AGPAT5: variants seen among roughly 807,000 people sequenced by gnomAD.
AGPAT5 encodes 1-acyl-sn-glycerol-3-phosphate acyltransferase epsilon.
AGPAT5 carries 46 observed loss-of-function variants against 45.6 expected under a neutral mutation model. That is an observed-to-expected ratio of 1.01 (90% CI 0.80 to 1.29). The LOEUF (loss-of-function observed/expected upper bound fraction) is 1.29. Ranked by LOEUF, AGPAT5 falls within the 50% of genes most tolerant of loss-of-function variation. AGPAT5 has a pLI of 0.00. For missense variants in AGPAT5, 673 were observed against 450.7 expected (o/e 1.49, Z -4.47); for synonymous variants, 272 against 167.0 (o/e 1.63, Z -4.85).
chr8:6,713,421 C>G (rs1323640933), intron 1 of AGPAT5, among the ~76,000 whole-genome samples: 1 of 152,136 alleles, frequency 6.6e-6, no homozygotes, highest in Non-Finnish European at 1.5e-5. Flanking sequence ...ATGCACAGTT[C>G]TTAAGTTTAT....
intron 1 of AGPAT5, among the ~76,000 whole-genome samples, chr8:6,722,109 G>C (rs1457261805): frequency 6.6e-6 from 1 of 152,166 alleles, no homozygotes; most frequent in African/African-American, 2.4e-5. Flanking sequence ...AAGATGACTA[G>C]GAAATGTATA....
At chr8:6,737,267 T>A (rs894839345) in intron 4 of AGPAT5, among the ~76,000 whole-genome samples, 4 of 152,204 alleles carry the variant, frequency 2.6e-5, no homozygotes, top group African/African-American at 9.6e-5. Context: ...ATGTACGCCC[T>A]GTGAGAGCGG....
intron 1 of AGPAT5, among the ~76,000 whole-genome samples, chr8:6,722,899 A>G (rs1158412017): frequency 2.0e-5 from 3 of 152,346 alleles, no homozygotes; most frequent in Non-Finnish European, 4.4e-5. Context: ...ATCATGAACA[A>G]GCAATCATAA....
chr8:6,734,701 G>T (rs147208389), intron 4 of AGPAT5, among the ~76,000 whole-genome samples: 7 of 152,134 alleles, frequency 4.6e-5, no homozygotes, highest in African/African-American at 1.4e-4. Flanking sequence ...TGTAAGACAG[G>T]AGAAATGGAG....
At chr8:6,721,850 A>G (rs7827740) in intron 1 of AGPAT5, among the ~76,000 whole-genome samples, 1 of 152,016 alleles carries the variant, frequency 6.6e-6, no homozygotes, top group East Asian at 1.9e-4. Flanking sequence ...TTTTATTTTT[A>G]TTTTTATTTT....
chr8:6,710,334 T>G (rs988391094), intron 1 of AGPAT5, among the ~76,000 whole-genome samples: 1 of 152,196 alleles, frequency 6.6e-6, no homozygotes, highest in African/African-American at 2.4e-5. Flanking sequence ...CAGCAAGTGA[T>G]TTTGAAAACA....
intron 1 of AGPAT5, among the ~76,000 whole-genome samples, chr8:6,715,115 A>G (rs1800278384): frequency 6.6e-6 from 1 of 152,150 alleles, no homozygotes; most frequent in South Asian, 2.1e-4. Flanking sequence ...AAGGGGTACA[A>G]TGTTTGATAG....
At chr8:6,724,159 G>A (rs1332537020) in intron 1 of AGPAT5, among the ~76,000 whole-genome samples, 1 of 152,164 alleles carries the variant, frequency 6.6e-6, no homozygotes, top group Non-Finnish European at 1.5e-5. Flanking sequence ...CTGGAATGAT[G>A]TTTCTCTCAT....
Position 6,730,800 on chromosome 8 carries a change from C to G in AGPAT5, c.379C>G (p.Pro127Ala). The change falls in exon 3 of 8, where the codon CCA becomes GCA. Residue 127 changes from proline (P) to alanine (A), a missense_variant. Pro to Ala is a conservative substitution (Grantham distance 27). Transcript: ENST00000285518. ...GCTGAAAGAAGGGTTAAAATGGCTG[C>G]CATTGTATGGGTGTTACTTTGCTCA... The part of the protein sequence containing the change: ...YVLKEGLKWL[P>A]LYGCYFAQHG... 1 of 1,613,188 alleles carries G rather than the reference C, an allele frequency of 6.2e-7. No homozygotes were observed. The highest frequency in any genetic ancestry group is 8.5e-7 in the Non-Finnish European group (1 of 1,179,352).
At chr8:6,724,326 T>G (rs959593396) in intron 1 of AGPAT5, among the ~76,000 whole-genome samples, 1 of 152,212 alleles carries the variant, frequency 6.6e-6, no homozygotes, top group Admixed American at 6.5e-5. Context: ...GTTCTTATTC[T>G]CATGAACATT....
chr8:6,734,390 G>A (rs1443661301), intron 4 of AGPAT5, among the ~76,000 whole-genome samples: 1 of 151,870 alleles, frequency 6.6e-6, no homozygotes, highest in African/African-American at 2.4e-5. Context: ...TGGTGAGCCA[G>A]TTTAAGGCAC....
chr8:6,749,380 T>A (rs1801579168), intron 6 of AGPAT5, among the ~76,000 whole-genome samples: 1 of 152,218 alleles, frequency 6.6e-6, no homozygotes, highest in Admixed American at 6.5e-5. Flanking sequence ...TAATTGTATA[T>A]AACACAGAGT....
chr8:6,730,773 G>A lies in AGPAT5; in HGVS notation c.352G>A (p.Val118Met), dbSNP rs779002902. ...RQNALGHVRY[V>M]LKEGLKWLPL... is the part of the protein sequence containing the mutation. ...GAATGCGCTAGGACATGTGCGCTAC[G>A]TGCTGAAAGAAGGGTTAAAATGGCT... Residue 118 changes from valine (V) to methionine (M), a missense_variant, in exon 3 of 8, where the codon GTG becomes ATG. Val to Met is a conservative substitution (Grantham distance 21, BLOSUM62 1). Coordinates refer to ENST00000285518, the MANE Select transcript of AGPAT5 (RefSeq NM_018361.5). 4 of 1,613,500 alleles carry A rather than the reference G, an allele frequency of 2.5e-6. No homozygotes were observed. Among genetic ancestry groups the A allele is most frequent in the Admixed American group, 3.3e-5 (2 of 59,990 alleles).
At position 6,732,599 on chromosome 8, in the gene AGPAT5, C is replaced by G. The variant is rs1237242210; in HGVS notation, c.444C>G (p.Asn148Lys). The G allele has an allele frequency of 1.9e-6, 3 of 1,610,694 alleles. No individual in the cohort carries two copies. Among genetic ancestry groups the G allele is most frequent in the African/African-American group, 2.7e-5 (2 of 74,708 alleles). Residue 148 changes from asparagine to lysine, a missense_variant, in exon 4 of 8, where the codon AAC becomes AAG. Transcript: ENST00000285518. Reference sequence around the variant, plus strand: ...ATGTAAAGCGCAGTGCCAAATTTAACGAGAAAGAGATGCGAAACAAGTTGC... The same window carrying G: ...ATGTAAAGCGCAGTGCCAAATTTAAGGAGAAAGAGATGCGAAACAAGTTGC... ...GIYVKRSAKF[N>K]EKEMRNKLQS...
At chr8:6,748,526 C>G (rs1000885728) in intron 6 of AGPAT5, among the ~76,000 whole-genome samples, 1 of 152,016 alleles carries the variant, frequency 6.6e-6, no homozygotes, top group Non-Finnish European at 1.5e-5. Context: ...TGTTTTGAGA[C>G]AAGAGTTTCG....
In AGPAT5 at chr8:6,742,918, G is replaced by T. The variant is rs577971436; in HGVS notation, c.586+1167G>T. ...CTCTGTCTAATAGACATGACGTTCT[G>T]TCATTTCAGTTGCTCTTTTGCAATG... On this transcript the variant is annotated intron_variant, in intron 5 of 7. Transcript: ENST00000285518. Among the ~76,000 whole-genome samples, 5 of 152,164 alleles carry T rather than the reference G, an allele frequency of 3.3e-5. No homozygotes were observed. In the South Asian group the frequency reaches 1.0e-3, roughly 32 times the overall value.
At chr8:6,739,362 T>C (rs573767143) in intron 4 of AGPAT5, among the ~76,000 whole-genome samples, 79 of 152,270 alleles carry the variant, frequency 5.2e-4, no homozygotes, top group African/African-American at 1.9e-3. Flanking sequence ...GTATTGAAGA[T>C]ATAGATGAAT....
chr8:6,755,106 A>C lies in AGPAT5; in HGVS notation c.801A>C (p.Lys267Asn). 1.2e-6 allele frequency: 2 copies of C among 1,608,008 alleles called. No individual in the cohort carries two copies. The highest frequency in any genetic ancestry group is 1.7e-6 in the Non-Finnish European group (2 of 1,178,746). Residue 267 changes from lysine (K) to asparagine (N), a missense_variant, in exon 7 of 8, where the codon AAA becomes AAC. Coordinates refer to ENST00000285518, the MANE Select transcript of AGPAT5 (RefSeq NM_018361.5). ...ATATTCACATTGATCGTATCGACAA[A>C]AAAGATGTCCCAGAAGAACAAGAAC... is the stretch of plus-strand genomic sequence containing the variant. ...KIHIHIDRID[K>N]KDVPEEQEHM...
intron 6 of AGPAT5, among the ~76,000 whole-genome samples, chr8:6,749,648 ATATTTT>A: frequency 6.6e-6 from 1 of 152,162 alleles, no homozygotes; most frequent in Non-Finnish European, 1.5e-5. Flanking sequence ...TGGCATATTA[ATATTTT>A]TCTCTTTTAA....
Sources: gnomAD v4.1 joint callset for allele counts (sites outside exome capture counted in the v4.1 genomes callset) on GRCh38, gnomAD v4.1.1 for gene constraint, MANE v1.5 for transcripts, NCBI Gene and HGNC (gene_info 2026-07-23, HGNC 2026-07-21) for gene names.